The following PPP1R9A variants were observed in gnomAD, a reference collection of about 807,000 sequenced individuals.
The protein encoded by PPP1R9A is neurabin-1.
PPP1R9A carries 59 observed loss-of-function variants against 141.9 expected under a neutral mutation model. That is an observed-to-expected ratio of 0.42 (90% CI 0.34 to 0.52). The LOEUF (loss-of-function observed/expected upper bound fraction) is 0.52. PPP1R9A is among the 20% of genes least tolerant of loss of function. The probability of loss-of-function intolerance (pLI) is 0.10; values close to 1 mark genes in which losing one functional copy is unlikely to be tolerated. For missense variants in PPP1R9A, 1,444 were observed against 1,611.9 expected, an observed-to-expected ratio of 0.90 and a Z score of 1.78; for synonymous variants, 500 against 569.7, an observed-to-expected ratio of 0.88 and a Z score of 1.74.
At chr7:95,161,418 A>C (rs1316171335) in intron 4 of PPP1R9A, among the ~76,000 whole-genome samples, 1 of 152,166 alleles carries the variant, frequency 6.6e-6, no homozygotes, top group African/African-American at 2.4e-5. Context: ...GGGCTTCTAT[A>C]GTCATCCCTG....
At chr7:94,982,912 G>T (rs1323666364) in intron 2 of PPP1R9A, among the ~76,000 whole-genome samples, 2 of 152,112 alleles carry the variant, frequency 1.3e-5, no homozygotes, top group Non-Finnish European at 2.9e-5. Context: ...TCCTGAATGG[G>T]TATTGCCTAG....
At chr7:95,054,655 A>T (rs574602029) in intron 2 of PPP1R9A, among the ~76,000 whole-genome samples, 9 of 152,122 alleles carry the variant, frequency 5.9e-5, no homozygotes, top group African/African-American at 2.2e-4. Flanking sequence ...TGTCCCTGCC[A>T]CACTAACTGC....
intron 2 of PPP1R9A, among the ~76,000 whole-genome samples, chr7:95,072,281 AAT>A (rs1375793015): frequency 1.4e-5 from 2 of 145,038 alleles, no homozygotes; most frequent in Non-Finnish European, 3.0e-5. Context: ...TATATAATAT[AAT>A]ATATATTATA....
At chr7:95,133,121 C>A (rs1312026774) in intron 4 of PPP1R9A, among the ~76,000 whole-genome samples, 5 of 152,108 alleles carry the variant, frequency 3.3e-5, no homozygotes, top group African/African-American at 1.2e-4. Context: ...GAGCAGGTAG[C>A]CCTCTGTGAG....
intron 4 of PPP1R9A, among the ~76,000 whole-genome samples, chr7:95,157,457 T>TGCAATTTGGGCAGCTGCAGCTGCACCC (rs1829812652): frequency 6.6e-6 from 1 of 152,108 alleles, no homozygotes; most frequent in African/African-American, 2.4e-5. Context: ...GGTCTGCAGC[T>TGCAATTTGGGCAGCTGCAGCTGCACCC]GCAATTTGGG....
intron 5 of PPP1R9A, among the ~76,000 whole-genome samples, chr7:95,177,242 C>G (rs189756099): frequency 6.6e-6 from 1 of 151,918 alleles, no homozygotes; most frequent in South Asian, 2.1e-4. Flanking sequence ...CAATGATCAC[C>G]CAAGAATTTT....
intron 4 of PPP1R9A, among the ~76,000 whole-genome samples, chr7:95,143,596 A>T (rs1827079086): frequency 6.6e-6 from 1 of 152,162 alleles, no homozygotes; most frequent in Admixed American, 6.5e-5. Flanking sequence ...TATTTACCCT[A>T]CCGAGTCAGT....
chr7:95,270,682 C>T (rs1802039516), intron 14 of PPP1R9A, among the ~76,000 whole-genome samples: 1 of 152,142 alleles, frequency 6.6e-6, no homozygotes, highest in Non-Finnish European at 1.5e-5. Context: ...CCGAGGCTTA[C>T]ATAGCACTGG....
At chr7:95,257,383 T>C (rs1174155613) in intron 12 of PPP1R9A, among the ~76,000 whole-genome samples, 1 of 151,976 alleles carries the variant, frequency 6.6e-6, no homozygotes, top group Non-Finnish European at 1.5e-5. Flanking sequence ...AAATTGACCA[T>C]CCATATGGAA....
chr7:95,164,362 T>C (rs1437988272), intron 5 of PPP1R9A, among the ~76,000 whole-genome samples: 1 of 152,224 alleles, frequency 6.6e-6, no homozygotes, highest in African/African-American at 2.4e-5. Flanking sequence ...CATGTTAATA[T>C]GATTTGTAAT....
intron 2 of PPP1R9A, among the ~76,000 whole-genome samples, chr7:94,990,064 A>G (rs1331971814): frequency 6.6e-6 from 1 of 152,118 alleles, no homozygotes; most frequent in African/African-American, 2.4e-5. Context: ...ATACATAATA[A>G]AATGCCTCTC....
intron 2 of PPP1R9A, among the ~76,000 whole-genome samples, chr7:94,933,810 AG>A (rs1407704474): frequency 2.6e-5 from 4 of 152,176 alleles, no homozygotes; most frequent in Non-Finnish European, 5.9e-5. Context: ...CAGCCTAGGT[AG>A]TCTGGCCTGA....
chr7:95,191,155 G>A (rs1301209823), intron 5 of PPP1R9A, among the ~76,000 whole-genome samples: 1 of 151,988 alleles, frequency 6.6e-6, no homozygotes, highest in Non-Finnish European at 1.5e-5. Context: ...ATAAACTAAT[G>A]AAATGAATCC....
chr7:95,235,526 G>A (rs963834090), intron 8 of PPP1R9A, among the ~76,000 whole-genome samples: 4 of 152,158 alleles, frequency 2.6e-5, no homozygotes, highest in African/African-American at 9.7e-5. Context: ...AATAACTGAT[G>A]TTGGCATGGA....
At chr7:95,147,832 C>T (rs59652457) in intron 4 of PPP1R9A, among the ~76,000 whole-genome samples, 2 of 152,106 alleles carry the variant, frequency 1.3e-5, no homozygotes, top group East Asian at 3.9e-4. Flanking sequence ...AGCCTTGCAT[C>T]CCAGGGATGA....
intron 4 of PPP1R9A, among the ~76,000 whole-genome samples, chr7:95,127,208 A>T (rs1823710774): frequency 6.6e-6 from 1 of 151,984 alleles, no homozygotes; most frequent in South Asian, 2.1e-4. Flanking sequence ...AGATTTTCAA[A>T]TTTTTTCTTT....
intron 9 of PPP1R9A, 110 bp from the exon 10 acceptor site, chr7:95,249,916 C>T (rs1585457097): frequency 7.2e-7 from 1 of 1,380,230 alleles, no homozygotes; most frequent in East Asian, 2.5e-5. Flanking sequence ...CAAGTGGATT[C>T]AGTGATTGTT....
intron 2 of PPP1R9A, among the ~76,000 whole-genome samples, chr7:95,106,269 A>G (rs1180360257): frequency 1.3e-5 from 2 of 152,184 alleles, no homozygotes; most frequent in Non-Finnish European, 2.9e-5. Context: ...GGGGATAGGC[A>G]TTATTATAAA....
intron 8 of PPP1R9A, among the ~76,000 whole-genome samples, chr7:95,243,752 C>T (rs1018799932): frequency 1.3e-5 from 2 of 152,056 alleles, no homozygotes; most frequent in Non-Finnish European, 1.5e-5. Context: ...AGCCTCTTTC[C>T]TCATCTGAAC....
Sources: gnomAD v4.1 joint callset for allele counts (sites outside exome capture counted in the v4.1 genomes callset) on GRCh38, gnomAD v4.1.1 for gene constraint, MANE v1.5 for transcripts, NCBI Gene and HGNC (gene_info 2026-07-23, HGNC 2026-07-21) for gene names.